CNTN5: variants seen among roughly 807,000 people sequenced by gnomAD.
CNTN5 encodes the protein contactin-5.
A neutral mutation model predicts 129.1 loss-of-function variants in CNTN5; 77 were observed. The ratio of observed to expected loss-of-function variants is 0.60; its 90% CI spans 0.50 to 0.72. CNTN5 has a LOEUF of 0.72. CNTN5 is among the 30% of genes least tolerant of loss of function. The pLI is 0.00. For missense variants in CNTN5, 1,478 were observed against 1,328.8 expected (o/e 1.11, Z -1.75); for synonymous variants, 509 against 465.6 (o/e 1.09, Z -1.20).
chr11:99,462,195 C>G (rs1397858082), intron 2 of CNTN5, among the ~76,000 whole-genome samples: 5 of 152,014 alleles, frequency 3.3e-5, no homozygotes, highest in Admixed American at 1.3e-4. Flanking sequence ...AAACCACTGA[C>G]TCTATTTTTA....
At chr11:99,884,963 C>G (rs148275362) in intron 6 of CNTN5, among the ~76,000 whole-genome samples, 1 of 151,932 alleles carries the variant, frequency 6.6e-6, no homozygotes, top group Non-Finnish European at 1.5e-5. Context: ...AGCGACAGAG[C>G]GACACCCCAT....
At chr11:100,304,581 A>G (rs912824303) in intron 20 of CNTN5, among the ~76,000 whole-genome samples, 1 of 151,594 alleles carries the variant, frequency 6.6e-6, no homozygotes, top group East Asian at 1.9e-4. Context: ...AAGATCTAGA[A>G]ATAGCCCAAA....
At chr11:99,218,348 A>C (rs1487167373) in intron 1 of CNTN5, among the ~76,000 whole-genome samples, 1 of 151,980 alleles carries the variant, frequency 6.6e-6, no homozygotes, top group Non-Finnish European at 1.5e-5. Context: ...CTTATTTTCT[A>C]CATCTATATA....
intron 2 of CNTN5, among the ~76,000 whole-genome samples, chr11:99,512,243 C>A (rs191311339): frequency 6.3e-4 from 96 of 152,234 alleles, no homozygotes; most frequent in African/African-American, 4.8e-5. Context: ...TAGATACATG[C>A]GTAAGGTTAC....
intron 3 of CNTN5, among the ~76,000 whole-genome samples, chr11:99,704,180 T>C (rs113786819): frequency 6.6e-4 from 100 of 150,926 alleles, no homozygotes; most frequent in African/African-American, 2.3e-3. Context: ...CTATACTGTT[T>C]TGTGCAACAT....
chr11:99,573,953 C>T (rs544109397), intron 3 of CNTN5, among the ~76,000 whole-genome samples: 2 of 152,198 alleles, frequency 1.3e-5, no homozygotes, highest in South Asian at 2.1e-4. Flanking sequence ...ATGTGCAGAA[C>T]GTGCAGGTTT....
intron 2 of CNTN5, among the ~76,000 whole-genome samples, chr11:99,434,589 C>T (rs906597458): frequency 4.6e-5 from 7 of 152,220 alleles, no homozygotes; most frequent in African/African-American, 1.4e-4. Flanking sequence ...CAATAACATA[C>T]GGCAAGTTTA....
chr11:99,943,498 ATGATAGTTTCTTTTGC>A (rs1950488439), intron 7 of CNTN5, among the ~76,000 whole-genome samples: 1 of 151,998 alleles, frequency 6.6e-6, no homozygotes, highest in Non-Finnish European at 1.5e-5. Context: ...GTTCACTGTG[ATGATAGTTTCTTTTGC>A]TGTGTAGCAG....
chr11:100,208,694 T>C (rs1263459964), intron 15 of CNTN5, among the ~76,000 whole-genome samples: 1 of 152,212 alleles, frequency 6.6e-6, no homozygotes, highest in African/African-American at 2.4e-5. Context: ...TTTCTCCAAC[T>C]TGCAACTTTC....
chr11:99,428,287 C>T (rs1359066657), intron 2 of CNTN5, among the ~76,000 whole-genome samples: 1 of 151,872 alleles, frequency 6.6e-6, no homozygotes, highest in Non-Finnish European at 1.5e-5. Flanking sequence ...CAGCTGAATA[C>T]AGTGGCTCAC....
chr11:99,707,913 C>T (rs1266149612), intron 3 of CNTN5, among the ~76,000 whole-genome samples: 5 of 150,216 alleles, frequency 3.3e-5, no homozygotes, highest in Non-Finnish European at 5.9e-5. Flanking sequence ...AGAATAATAA[C>T]ACACATAAAT....
chr11:99,954,380 G>T (rs1182548727), intron 7 of CNTN5, among the ~76,000 whole-genome samples: 1 of 152,024 alleles, frequency 6.6e-6, no homozygotes, highest in African/African-American at 2.4e-5. Flanking sequence ...TTAAAAAGTG[G>T]GAAAATCATA....
chr11:100,095,684 C>T lies in CNTN5; in HGVS notation c.1580+21390C>T, dbSNP rs148993561. Among the ~76,000 whole-genome samples the T allele has an allele frequency of 1.5e-3, 226 of 152,172 alleles. 2 individuals are homozygous for T. The highest frequency in any genetic ancestry group is 0.012 in the East Asian group (64 of 5,164). ...TGATTGTACTTTTAGCACACATTTC[C>T]TCAATCAGTAATTTAGTCTCAAGTT... is the stretch of plus-strand genomic sequence containing the variant. On this transcript the variant is annotated intron_variant, in intron 13 of 24. Coordinates refer to ENST00000524871, the MANE Select transcript of CNTN5 (RefSeq NM_014361.4).
At chr11:99,950,382 G>A (rs982056043) in intron 7 of CNTN5, among the ~76,000 whole-genome samples, 1 of 152,222 alleles carries the variant, frequency 6.6e-6, no homozygotes, top group Non-Finnish European at 1.5e-5. Context: ...TCAGGAGGCT[G>A]AGGCAGGAGA....
chr11:100,090,119 T>C (rs1357831395), intron 13 of CNTN5, among the ~76,000 whole-genome samples: 3 of 152,076 alleles, frequency 2.0e-5, no homozygotes, highest in Non-Finnish European at 4.4e-5. Flanking sequence ...ATCTTCTCAA[T>C]AGATAGAGAA....
intron 1 of CNTN5, among the ~76,000 whole-genome samples, chr11:99,322,246 A>G (rs879317780): frequency 6.6e-6 from 1 of 152,060 alleles, no homozygotes; most frequent in Non-Finnish European, 1.5e-5. Context: ...TCCTGTCTTC[A>G]CTTGATCACC....
At chr11:99,928,567 C>T (rs11820723) in intron 7 of CNTN5, among the ~76,000 whole-genome samples, 3,984 of 152,268 alleles carry the variant, frequency 0.026, 128 homozygotes, top group African/African-American at 0.079. Flanking sequence ...TTGCACCCTC[C>T]GAAGCCATGG....
intron 6 of CNTN5, among the ~76,000 whole-genome samples, chr11:99,911,738 TAAAAA>T (rs34582552): frequency 6.8e-6 from 1 of 146,924 alleles, no homozygotes; most frequent in Non-Finnish European, 1.5e-5. Flanking sequence ...CTCAGGAGGT[TAAAAA>T]AAAAAAAAAG....
At chr11:100,012,481 T>C (rs563606253) in intron 9 of CNTN5, among the ~76,000 whole-genome samples, 1 of 152,250 alleles carries the variant, frequency 6.6e-6, no homozygotes, top group East Asian at 1.9e-4. Context: ...CTGAGAGGTG[T>C]TATGTGTTTT....
Sources: allele counts gnomAD v4.1 joint callset (sites outside exome capture counted in the v4.1 genomes callset), GRCh38; gene constraint gnomAD v4.1.1; transcripts MANE v1.5; gene names NCBI Gene and HGNC (gene_info 2026-07-23, HGNC 2026-07-21).